The following APBA1 variants were observed in gnomAD, a reference collection of about 807,000 sequenced individuals.
APBA1 encodes amyloid-beta A4 precursor protein-binding family A member 1.
In APBA1, 55 loss-of-function variants were observed where a neutral mutation model predicts 86.6. The ratio of observed to expected loss-of-function variants is 0.64; its 90% CI spans 0.51 to 0.80. The LOEUF is 0.80. APBA1 is among the 30% of genes least tolerant of loss of function. The probability of loss-of-function intolerance (pLI) is 0.00; values close to 1 mark genes in which losing one functional copy is unlikely to be tolerated. For missense variants in APBA1, 1,090 were observed against 1,183.0 expected (o/e 0.92, Z 1.15); for synonymous variants, 511 against 493.9 (o/e 1.03, Z -0.46).
chr9:69,618,554 A>G (rs1276540832), intron 1 of APBA1, among the ~76,000 whole-genome samples: 2 of 152,208 alleles, frequency 1.3e-5, no homozygotes, highest in African/African-American at 4.8e-5. Flanking sequence ...TATGAAGTAA[A>G]TCAAGATGGC....
chr9:69,603,891 C>G (rs78959496), intron 1 of APBA1, among the ~76,000 whole-genome samples: 1 of 152,132 alleles, frequency 6.6e-6, no homozygotes, highest in Non-Finnish European at 1.5e-5. Flanking sequence ...TAACAGAGAA[C>G]GGCCTCTTCA....
rs375366737 is a variant in APBA1, at chr9:69,568,416, G to A, written c.-69-51137C>T. Among the ~76,000 whole-genome samples the A allele has an allele frequency of 4.6e-5, 7 of 152,330 alleles. No homozygotes were observed. In the South Asian group the frequency reaches 8.3e-4, roughly 18 times the overall value. ...ACTTAATCTGTTATTCAAAATAGAA[G>A]AGAACTAATTACATCTTCCATTTAA... is the stretch of plus-strand genomic sequence containing the variant. On this transcript the variant is annotated intron_variant, in intron 1 of 12. Transcript: ENST00000265381.
At position 69,444,010 on chromosome 9, in the gene APBA1, A is replaced by G. The variant is rs187925485; in HGVS notation, c.2182-2895T>C. Among the ~76,000 whole-genome samples, 66 of 151,552 alleles carry G rather than the reference A, an allele frequency of 4.4e-4. 2 individuals are homozygous for G. The East Asian group carries it at 0.011, about 26-fold the overall frequency. The stretch of plus-strand genomic sequence containing the variant: ...TAATCCCCCACCCCCTGGCTTCCCC[A>G]CTGACTTCTGCTTCTAGTTTGTGCT... On this transcript the variant is annotated intron_variant, in intron 10 of 12. Coordinates refer to ENST00000265381, the MANE Select transcript of APBA1 (RefSeq NM_001163.4).
intron 1 of APBA1, among the ~76,000 whole-genome samples, chr9:69,522,876 T>C (rs1836275764): frequency 6.6e-6 from 1 of 151,638 alleles, no homozygotes; most frequent in Non-Finnish European, 1.5e-5. Flanking sequence ...AAATCTCTCT[T>C]CCTCTACAAA....
chr9:69,645,170 CG>C (rs1419081406), intron 1 of APBA1, among the ~76,000 whole-genome samples: 1 of 152,034 alleles, frequency 6.6e-6, no homozygotes, highest in African/African-American at 2.4e-5. Flanking sequence ...AGAAATTAGT[CG>C]AGGGGTTGAA....
intron 1 of APBA1, among the ~76,000 whole-genome samples, chr9:69,608,856 T>C (rs1822527134): frequency 6.6e-6 from 1 of 152,236 alleles, no homozygotes; most frequent in African/African-American, 2.4e-5. Flanking sequence ...GTAGTAGGTG[T>C]GGCTTTTTTC....
intron 1 of APBA1, among the ~76,000 whole-genome samples, chr9:69,596,913 C>A (rs1325033283): frequency 6.6e-6 from 1 of 152,194 alleles, no homozygotes; most frequent in African/African-American, 2.4e-5. Flanking sequence ...AAAGTGACAG[C>A]TGAAATGGTA....
At chr9:69,614,076 T>C (rs1465559470) in intron 1 of APBA1, among the ~76,000 whole-genome samples, 1 of 152,204 alleles carries the variant, frequency 6.6e-6, no homozygotes, top group Non-Finnish European at 1.5e-5. Flanking sequence ...TTAAGGTTTT[T>C]GTTTGTTTGC....
rs538568899 is a variant in APBA1, at chr9:69,434,842, C to T, written c.2302-2166G>A. Among the ~76,000 whole-genome samples, 10 of 151,868 alleles carry T rather than the reference C, an allele frequency of 6.6e-5. No homozygotes were observed. The East Asian group carries it at 7.7e-4, about 12-fold the overall frequency. ...TAAGTTTTAGGGTACATGGGCACAA[C>T]GTGCAGGTTTGTTACATATGTATAC... is the stretch of plus-strand genomic sequence containing the variant. On this transcript the variant is annotated intron_variant, in intron 11 of 12. Transcript: ENST00000265381.
intron 1 of APBA1, among the ~76,000 whole-genome samples, chr9:69,654,926 C>T (rs117867509): frequency 5.3e-4 from 80 of 152,194 alleles, no homozygotes; most frequent in Non-Finnish European, 9.9e-4. Flanking sequence ...TAACATGATA[C>T]GTCACATTAA....
At chr9:69,658,324 T>C (rs370713982) in intron 1 of APBA1, among the ~76,000 whole-genome samples, 2,271 of 128,502 alleles carry the variant, frequency 0.018, 61 homozygotes, top group South Asian at 0.038. Context: ...CTTTCTTTCT[T>C]TCTTTCTTTC....
intron 1 of APBA1, among the ~76,000 whole-genome samples, chr9:69,567,978 GAAAACTCCCATCACCACTCCCAA>G (rs1346727987): frequency 6.6e-6 from 1 of 152,146 alleles, no homozygotes; most frequent in Non-Finnish European, 1.5e-5. Context: ...TTCATCCCCA[GAAAACTCCCATCACCACTCCCAA>G]AAAGTAGAGT....
chr9:69,593,769 A>T (rs1822177260), intron 1 of APBA1, among the ~76,000 whole-genome samples: 1 of 152,234 alleles, frequency 6.6e-6, no homozygotes, highest in Non-Finnish European at 1.5e-5. Flanking sequence ...CCAGGATTAA[A>T]ATAAAATTAA....
chr9:69,575,623 A>T (rs1821779957), intron 1 of APBA1, among the ~76,000 whole-genome samples: 1 of 152,254 alleles, frequency 6.6e-6, no homozygotes, highest in African/African-American at 2.4e-5. Flanking sequence ...TCCCTATTTA[A>T]TAAATGGTGC....
intron 1 of APBA1, among the ~76,000 whole-genome samples, chr9:69,638,264 G>A (rs911904899): frequency 1.3e-5 from 2 of 152,066 alleles, no homozygotes; most frequent in African/African-American, 4.8e-5. Flanking sequence ...GTTTTGAGAT[G>A]GAGTTTTACT....
intron 1 of APBA1, among the ~76,000 whole-genome samples, chr9:69,523,967 A>G (rs1836303896): frequency 6.6e-6 from 1 of 152,178 alleles, no homozygotes; most frequent in Non-Finnish European, 1.5e-5. Flanking sequence ...AAATTAAGCA[A>G]CTTGCTCCTA....
At chr9:69,536,704 TAAAAAAAAA>T (rs71356116) in intron 1 of APBA1, among the ~76,000 whole-genome samples, 11 of 55,952 alleles carry the variant, frequency 2.0e-4, no homozygotes, top group Admixed American at 6.7e-4. Context: ...CCATCTCTAC[TAAAAAAAAA>T]AAAAAAAAAA....
intron 1 of APBA1, among the ~76,000 whole-genome samples, chr9:69,527,704 C>A (rs1226780221): frequency 1.3e-5 from 2 of 152,062 alleles, no homozygotes; most frequent in Admixed American, 1.3e-4. Flanking sequence ...AGAATAGTCA[C>A]CTTGGCTGAC....
chr9:69,565,881 A>C (rs1047321450), intron 1 of APBA1, among the ~76,000 whole-genome samples: 2 of 152,226 alleles, frequency 1.3e-5, no homozygotes, highest in African/African-American at 2.4e-5. Flanking sequence ...AAATGGAATC[A>C]CGTCCCTCCT....
Sources: allele counts gnomAD v4.1 joint callset (sites outside exome capture counted in the v4.1 genomes callset), GRCh38; gene constraint gnomAD v4.1.1; transcripts MANE v1.5; gene names NCBI Gene and HGNC (gene_info 2026-07-23, HGNC 2026-07-21).